The following APBA1 variants were observed in gnomAD, a reference collection of about 807,000 sequenced individuals.
The protein encoded by APBA1 is amyloid-beta A4 precursor protein-binding family A member 1.
A neutral mutation model predicts 86.6 loss-of-function variants in APBA1; 55 were observed. The observed-to-expected ratio is 0.64, with a 90% CI of 0.51 to 0.80. The LOEUF is 0.80. Among genes scored for constraint, APBA1 ranks in the 30% least tolerant of loss-of-function variants. The probability of loss-of-function intolerance (pLI) is 0.00; values close to 1 mark genes in which losing one functional copy is unlikely to be tolerated. For synonymous variants in APBA1, 511 were observed against 493.9 expected (o/e 1.03, Z -0.46); for missense variants, 1,090 against 1,183.0 (o/e 0.92, Z 1.15).
chr9:69,528,841 C>T (rs766837224), intron 1 of APBA1, among the ~76,000 whole-genome samples: 35 of 152,018 alleles, frequency 2.3e-4, no homozygotes, highest in Non-Finnish European at 4.6e-4. Context: ...TTCAGAGGCT[C>T]ATTAATTCAC....
At chr9:69,515,047 G>C (rs1468698607) in intron 2 of APBA1, among the ~76,000 whole-genome samples, 1 of 152,208 alleles carries the variant, frequency 6.6e-6, no homozygotes, top group Non-Finnish European at 1.5e-5. Flanking sequence ...TTGTCGTCCT[G>C]GGACCAGGAG....
intron 2 of APBA1, among the ~76,000 whole-genome samples, chr9:69,500,263 G>T (rs7032045): frequency 3.9e-5 from 6 of 152,100 alleles, no homozygotes; most frequent in Non-Finnish European, 7.4e-5. Context: ...AATTCAGATC[G>T]CCAGTAACCA....
chr9:69,599,064 G>A (rs1473393790), intron 1 of APBA1, among the ~76,000 whole-genome samples: 2 of 152,180 alleles, frequency 1.3e-5, no homozygotes, highest in Non-Finnish European at 1.5e-5. Context: ...GCCAGGGGCT[G>A]GGAAGAGAGG....
intron 2 of APBA1, among the ~76,000 whole-genome samples, chr9:69,486,870 CTTTTT>C (rs140792702): frequency 1.2e-4 from 13 of 108,964 alleles, no homozygotes; most frequent in African/African-American, 4.3e-4. Context: ...TTCTTCTTTT[CTTTTT>C]TTTTTCTTTT....
intron 1 of APBA1, among the ~76,000 whole-genome samples, chr9:69,574,820 A>T (rs1484839133): frequency 1.3e-5 from 2 of 152,174 alleles, no homozygotes; most frequent in African/African-American, 2.4e-5. Flanking sequence ...ACCTCTGGAG[A>T]CAGGAGGGAA....
chr9:69,640,492 G>A (rs1459644471), intron 1 of APBA1, among the ~76,000 whole-genome samples: 4 of 151,828 alleles, frequency 2.6e-5, no homozygotes, highest in African/African-American at 9.7e-5. Context: ...TAATATTACA[G>A]AGTCAACATT....
chr9:69,610,152 C>T (rs376255587), intron 1 of APBA1, among the ~76,000 whole-genome samples: 1 of 151,902 alleles, frequency 6.6e-6, no homozygotes, highest in African/African-American at 2.4e-5. Flanking sequence ...ACTCTGTCTC[C>T]ACAAAAAAAT....
At chr9:69,493,493 A>G (rs10867655) in intron 2 of APBA1, among the ~76,000 whole-genome samples, 123,462 of 151,970 alleles carry the variant, frequency 0.81, 50,346 homozygotes, top group Admixed American at 0.86. Context: ...TGTAAGAACT[A>G]TCTGCATGCA....
At chr9:69,547,722 G>GC (rs1300649287) in intron 1 of APBA1, among the ~76,000 whole-genome samples, 1 of 152,224 alleles carries the variant, frequency 6.6e-6, no homozygotes, top group Non-Finnish European at 1.5e-5. Context: ...AAGAACCAAA[G>GC]CCCCACTGCC....
chr9:69,486,536 C>A (rs898616599), intron 2 of APBA1, among the ~76,000 whole-genome samples: 2 of 152,044 alleles, frequency 1.3e-5, no homozygotes, highest in Non-Finnish European at 2.9e-5. Flanking sequence ...GGATGTTGTT[C>A]TGTACAGTGG....
chr9:69,515,877 A>C (rs2133888219), intron 2 of APBA1, 134 bp downstream of exon 2: 1 of 935,830 alleles, frequency 1.1e-6, no homozygotes, highest in Middle Eastern at 2.9e-4. Context: ...TCTGAGGCTT[A>C]CGGTGGAAAA....
intron 1 of APBA1, among the ~76,000 whole-genome samples, chr9:69,522,240 A>G (rs1157697174): frequency 3.3e-5 from 5 of 152,082 alleles, no homozygotes; most frequent in Non-Finnish European, 7.3e-5. Flanking sequence ...CCAAGCACAG[A>G]GGGTATACAG....
rs190127943 is a variant in APBA1 at position 69,430,243 on chromosome 9, C to T, written c.*1084G>A. On this transcript the variant is annotated 3_prime_UTR_variant, in exon 13 of 13. Transcript: ENST00000265381. ...TGGGCCAGAAAACAAGACGCAATTG[C>T]ACCTGCAGCTTGCCTTCTTGGGAAC... 4.7e-3 allele frequency: 710 copies of T among 152,398 alleles called. 3 individuals carry two copies. Among genetic ancestry groups the T allele is most frequent in the Middle Eastern group, 0.017 (5 of 294 alleles). The allele number at this position is 152,398 out of a possible 1,614,324, so 9.4% of individuals were successfully genotyped here. A position where few individuals can be genotyped will look rare whatever the true frequency, so the allele number is the denominator to read the frequency against.
rs547101164 is a variant in APBA1 at position 69,500,361 on chromosome 9, G to C, written c.1200+15650C>G. ...TGTTTCACATTTCCATATAGGACTC[G>C]ATATCTGCAAAACCATTTTCTCTCA... On this transcript the variant is annotated intron_variant, in intron 2 of 12. Transcript: ENST00000265381. 1.2e-4 allele frequency among the ~76,000 whole-genome samples: 19 copies of C among 152,182 alleles called. No homozygotes were observed. In the South Asian group the frequency reaches 3.7e-3, roughly 30 times the overall value.
intron 2 of APBA1, among the ~76,000 whole-genome samples, chr9:69,501,610 C>A (rs915773898): frequency 8.7e-5 from 13 of 148,872 alleles, no homozygotes; most frequent in African/African-American, 3.2e-4. Context: ...GGCAACATAA[C>A]AAGACTCTGT....
chr9:69,461,789 C>T (rs2133821400), intron 5 of APBA1: 1 of 152,292 alleles, frequency 6.6e-6, no homozygotes, highest in East Asian at 1.9e-4. Context: ...CTGTAAACTT[C>T]TCCATTTGTC....
intron 1 of APBA1, among the ~76,000 whole-genome samples, chr9:69,624,339 C>T (rs542250784): frequency 6.6e-6 from 1 of 152,286 alleles, no homozygotes; most frequent in African/African-American, 2.4e-5. Flanking sequence ...TTTGCTCAGA[C>T]CCAAGCAAGA....
chr9:69,466,809 G>A (rs1487527836), intron 5 of APBA1, among the ~76,000 whole-genome samples: 1 of 152,240 alleles, frequency 6.6e-6, no homozygotes, highest in Non-Finnish European at 1.5e-5. Context: ...TGCAACCTGG[G>A]AGTGTGTGAG....
chr9:69,578,341 G>C (rs1026631986), intron 1 of APBA1, among the ~76,000 whole-genome samples: 4 of 152,226 alleles, frequency 2.6e-5, no homozygotes, highest in Non-Finnish European at 5.9e-5. Flanking sequence ...GGTTTTCTTT[G>C]TGAGCATGCG....
Sources: gnomAD v4.1 joint callset for allele counts (sites outside exome capture counted in the v4.1 genomes callset) on GRCh38, gnomAD v4.1.1 for gene constraint, MANE v1.5 for transcripts, NCBI Gene and HGNC (gene_info 2026-07-23, HGNC 2026-07-21) for gene names.